The following NRXN1 variants were observed in gnomAD, a reference collection of about 807,000 sequenced individuals.
The protein encoded by NRXN1 is neurexin-1.
Under a neutral mutation model 150.9 loss-of-function variants are expected in NRXN1, and 39 were observed. That is an observed-to-expected ratio of 0.26 (90% CI 0.20 to 0.34). The LOEUF is 0.34. Among genes scored for constraint, NRXN1 ranks in the 10% least tolerant of loss-of-function variants. The pLI is 1.00. For synonymous variants in NRXN1, 924 were observed against 757.0 expected (o/e 1.22, Z -3.62); for missense variants, 1,815 against 1,949.9 (o/e 0.93, Z 1.30).
intron 17 of NRXN1, among the ~76,000 whole-genome samples, chr2:50,454,450 G>A (rs540718888): frequency 1.8e-4 from 27 of 152,030 alleles, no homozygotes; most frequent in East Asian, 7.7e-4. Context: ...ATATGTATAC[G>A]TGCCCATGAA....
intron 5 of NRXN1, among the ~76,000 whole-genome samples, chr2:50,688,546 C>T (rs1026788139): frequency 4.2e-4 from 64 of 152,058 alleles, no homozygotes; most frequent in Non-Finnish European, 1.9e-4. Flanking sequence ...TTTTGCCTGC[C>T]CCTGTAGCCA....
chr2:50,764,337 T>C (rs948821778), intron 5 of NRXN1, among the ~76,000 whole-genome samples: 9 of 151,958 alleles, frequency 5.9e-5, no homozygotes, highest in African/African-American at 2.2e-4. Context: ...TACCATACTT[T>C]GCGTATGGTG....
intron 17 of NRXN1, among the ~76,000 whole-genome samples, chr2:50,272,044 A>C (rs1033155450): frequency 6.6e-6 from 1 of 152,110 alleles, no homozygotes; most frequent in Non-Finnish European, 1.5e-5. Context: ...ACAGAACTCA[A>C]AGTGCTTGGA....
rs565123423 is a variant in NRXN1, at chr2:50,499,862, C to T, written c.2498-2148G>A. 3.3e-4 allele frequency among the ~76,000 whole-genome samples: 50 copies of T among 150,458 alleles called. 1 individual carries two copies. In the South Asian group the frequency reaches 0.01, roughly 31 times the overall value. ...ACTCGGGAGGCTGAGGCAGGAGAAT[C>T]GCTTGAACCTGGGAGGCGGAGGTTG... is the stretch of plus-strand genomic sequence containing the variant. On this transcript the variant is annotated intron_variant, in intron 13 of 22. Transcript: ENST00000401669.
chr2:50,376,044 T>TAC (rs200262615), intron 17 of NRXN1, among the ~76,000 whole-genome samples: 761 of 144,072 alleles, frequency 5.3e-3, no homozygotes, highest in African/African-American at 0.017. Context: ...TACATATATA[T>TAC]ATACACACAC....
chr2:50,514,115 TCTGA>T (rs1374777839), intron 12 of NRXN1, among the ~76,000 whole-genome samples: 1 of 152,180 alleles, frequency 6.6e-6, no homozygotes, highest in Non-Finnish European at 1.5e-5. Flanking sequence ...CAGTGGTTAA[TCTGA>T]CTTACTCAAT....
intron 21 of NRXN1, among the ~76,000 whole-genome samples, chr2:49,988,370 T>C (rs1558642943): frequency 6.6e-6 from 1 of 151,196 alleles, no homozygotes; most frequent in African/African-American, 2.4e-5. Flanking sequence ...AAAATCTGGG[T>C]AAACAAAATA....
chr2:50,130,555 A>G (rs1324312624), intron 18 of NRXN1, among the ~76,000 whole-genome samples: 10 of 152,202 alleles, frequency 6.6e-5, no homozygotes, highest in Non-Finnish European at 1.5e-4. Flanking sequence ...ACCGTGCTCC[A>G]AGGAATGCTG....
At chr2:50,093,417 G>C (rs760137594) in intron 18 of NRXN1, among the ~76,000 whole-genome samples, 8 of 148,272 alleles carry the variant, frequency 5.4e-5, no homozygotes, top group South Asian at 4.2e-4. Flanking sequence ...AGGAGTTGGA[G>C]ACCAGCCTGG....
intron 18 of NRXN1, among the ~76,000 whole-genome samples, chr2:50,137,520 T>C (rs1196341292): frequency 2.0e-5 from 3 of 152,104 alleles, no homozygotes; most frequent in Non-Finnish European, 2.9e-5. Context: ...GATTTCCCAA[T>C]AGGGTCTGTC....
rs112030085 is a variant in NRXN1, at chr2:50,733,987, G to A, written c.833-110372C>T. ...CATAGTTCATTTGCCTTAACTATTAGAAGTTATTCTTAAAGTACTTGAAGC... is the reference window on the plus strand; with the variant it reads ...CATAGTTCATTTGCCTTAACTATTAAAAGTTATTCTTAAAGTACTTGAAGC... On this transcript the variant is annotated intron_variant, in intron 5 of 22. Coordinates refer to ENST00000401669, the MANE Select transcript of NRXN1 (RefSeq NM_001330078.2). Among the ~76,000 whole-genome samples the A allele has an allele frequency of 2.0e-3, 302 of 152,160 alleles. 4 individuals are homozygous for A. Among genetic ancestry groups the A allele is most frequent in the African/African-American group, 7.1e-3 (293 of 41,516 alleles).
Position 50,522,616 on chromosome 2 carries a change from T to C in NRXN1, c.2374+6009A>G, listed in dbSNP as rs543552207. 1.9e-4 allele frequency among the ~76,000 whole-genome samples: 29 copies of C among 152,144 alleles called. 1 individual carries two copies. Among genetic ancestry groups the C allele is most frequent in the Admixed American group, 1.8e-3 (28 of 15,282 alleles). On this transcript the variant is annotated intron_variant, in intron 12 of 22. Coordinates refer to ENST00000401669, the MANE Select transcript of NRXN1 (RefSeq NM_001330078.2). ...TCATTCTGTTGCCTAATCCATGTAG[T>C]CATCTAAATATGCAATGAAAGCTGT...
intron 5 of NRXN1, among the ~76,000 whole-genome samples, chr2:50,868,812 C>T (rs1396848729): frequency 6.6e-6 from 1 of 151,776 alleles, no homozygotes; most frequent in Non-Finnish European, 1.5e-5. Flanking sequence ...TTACCTCTTT[C>T]CCCATCTCTC....
intron 17 of NRXN1, among the ~76,000 whole-genome samples, chr2:50,409,836 T>A (rs918949744): frequency 6.6e-6 from 1 of 152,192 alleles, no homozygotes; most frequent in Non-Finnish European, 1.5e-5. Context: ...ATTAGGCAAT[T>A]CTTTATAAGT....
intron 18 of NRXN1, among the ~76,000 whole-genome samples, chr2:50,219,954 A>ATAT (rs2063714650): frequency 2.4e-5 from 2 of 82,178 alleles, no homozygotes; most frequent in African/African-American, 1.3e-4. Context: ...TATATATATA[A>ATAT]TATATATATT....
chr2:50,717,308 T>C (rs1450844025), intron 5 of NRXN1, among the ~76,000 whole-genome samples: 1 of 152,208 alleles, frequency 6.6e-6, no homozygotes, highest in East Asian at 1.9e-4. Flanking sequence ...GAAAGTCTAA[T>C]AAGCCATTAT....
intron 2 of NRXN1, among the ~76,000 whole-genome samples, chr2:50,986,493 C>T (rs560625611): frequency 6.6e-6 from 1 of 151,728 alleles, no homozygotes; most frequent in African/African-American, 2.4e-5. Context: ...AAATACTGCG[C>T]AGATTTTTTT....
chr2:50,807,399 CA>C (rs577234054), intron 5 of NRXN1, among the ~76,000 whole-genome samples: 84 of 152,184 alleles, frequency 5.5e-4, no homozygotes, highest in Middle Eastern at 3.4e-3. Flanking sequence ...TATCTCACCC[CA>C]AAAGAGATTA....
intron 17 of NRXN1, 123 bp from the exon 18 acceptor site, chr2:50,237,093 C>G (rs567822001): frequency 5.2e-6 from 5 of 969,766 alleles, no homozygotes; most frequent in Non-Finnish European, 4.8e-6. Flanking sequence ...CAAAGTAAAT[C>G]ATAGATTTCA....
Sources: gnomAD v4.1 joint callset for allele counts (sites outside exome capture counted in the v4.1 genomes callset) on GRCh38, gnomAD v4.1.1 for gene constraint, MANE v1.5 for transcripts, NCBI Gene and HGNC (gene_info 2026-07-23, HGNC 2026-07-21) for gene names.